GRAMD4: variants seen among roughly 807,000 people sequenced by gnomAD.
The protein encoded by GRAMD4 is GRAM domain-containing protein 4.
GRAMD4 carries 25 observed loss-of-function variants against 83.9 expected under a neutral mutation model. The observed-to-expected ratio is 0.30, with a 90% CI of 0.22 to 0.42. The LOEUF (loss-of-function observed/expected upper bound fraction) is 0.42. Among genes scored for constraint, GRAMD4 ranks in the 10% least tolerant of loss-of-function variants. The pLI is 1.00. For synonymous variants in GRAMD4, 336 were observed against 320.9 expected (o/e 1.05, Z -0.50); for missense variants, 593 against 788.7 (o/e 0.75, Z 2.97).
rs779320377 is a variant in GRAMD4, at chr22:46,658,183, A to G, written c.284-4A>G. Reference sequence around the variant, plus strand: ...TGGTCACCTGGCCGTTCTCTCCCCCATAGAGGAGGAGCTCCGGAAGCTGCG... The same window carrying G: ...TGGTCACCTGGCCGTTCTCTCCCCCGTAGAGGAGGAGCTCCGGAAGCTGCG... On this transcript the variant is annotated splice_region_variant and splice_polypyrimidine_tract_variant and intron_variant, in intron 3 of 18. Coordinates refer to ENST00000406902, the MANE Select transcript of GRAMD4 (RefSeq NM_015124.5). The G allele has an allele frequency of 2.5e-6, 4 of 1,611,414 alleles. No individual in the cohort carries two copies. The highest frequency in any genetic ancestry group is 2.2e-5 in the South Asian group (2 of 91,008).
At chr22:46,647,839 A>C (rs577236416) in intron 3 of GRAMD4, among the ~76,000 whole-genome samples, 3 of 152,222 alleles carry the variant, frequency 2.0e-5, no homozygotes, top group Non-Finnish European at 2.9e-5. Context: ...ATGAGGCTAC[A>C]TGGCAGAGAT....
intron 1 of GRAMD4, 110 bp from the exon 2 acceptor site, chr22:46,626,641 G>T: frequency 1.6e-6 from 1 of 642,934 alleles, no homozygotes; most frequent in Non-Finnish European, 2.6e-6. Flanking sequence ...CGGGGTCTCT[G>T]GGTCGGGGTT....
At chr22:46,650,082 G>A (rs1443614682) in intron 3 of GRAMD4, among the ~76,000 whole-genome samples, 3 of 152,234 alleles carry the variant, frequency 2.0e-5, no homozygotes, top group African/African-American at 4.8e-5. Context: ...GCGGGACTCC[G>A]CCAGGCCAGG....
intron 3 of GRAMD4, among the ~76,000 whole-genome samples, chr22:46,648,725 T>G (rs1278569891): frequency 4.2e-5 from 6 of 144,314 alleles, no homozygotes; most frequent in African/African-American, 1.3e-4. Flanking sequence ...GATGGATGGA[T>G]GCATGGATGG....
chr22:46,590,466 C>G (rs994514446), intron 1 of GRAMD4, among the ~76,000 whole-genome samples: 1 of 152,176 alleles, frequency 6.6e-6, no homozygotes, highest in Non-Finnish European at 1.5e-5. Context: ...GAGCGCGTCC[C>G]AAGGAGGAGG....
intron 10 of GRAMD4, among the ~76,000 whole-genome samples, chr22:46,667,751 A>G (rs1195501298): frequency 6.6e-6 from 1 of 152,226 alleles, no homozygotes; most frequent in Non-Finnish European, 1.5e-5. Flanking sequence ...ATGGGAGACA[A>G]GCAGGACCAG....
At chr22:46,614,144 C>G (rs910121957) in intron 1 of GRAMD4, among the ~76,000 whole-genome samples, 1 of 152,230 alleles carries the variant, frequency 6.6e-6, no homozygotes, top group Admixed American at 6.5e-5. Flanking sequence ...TACTCGAACC[C>G]CATCATTTCT....
At chr22:46,576,979 C>G (rs1402524210), upstream of GRAMD4, 9 of 145,390 alleles carry the variant, frequency 6.2e-5, no homozygotes, top group Admixed American at 1.4e-4. Flanking sequence ...CGCGGACCCC[C>G]GAGCCGGCCG....
At chr22:46,667,635 C>T (rs1601672713) in intron 10 of GRAMD4, among the ~76,000 whole-genome samples, 1 of 152,226 alleles carries the variant, frequency 6.6e-6, no homozygotes, top group African/African-American at 2.4e-5. Context: ...TATCTCAGTG[C>T]CTGTTTCTTG....
At chr22:46,585,315 C>T (rs1447326024) in intron 1 of GRAMD4, among the ~76,000 whole-genome samples, 1 of 151,946 alleles carries the variant, frequency 6.6e-6, no homozygotes, top group Non-Finnish European at 1.5e-5. Context: ...CTCAGCCTCC[C>T]GAGTAGCTGG....
chr22:46,629,930 C>T lies in GRAMD4; in HGVS notation c.162+2969C>T, dbSNP rs534463243. ...GTCTGTCCTTTGCTCGCATAAGGGA[C>T]GCGAGGTTCATCCATGCTGCGGTGT... is the stretch of plus-strand genomic sequence containing the variant. On this transcript the variant is annotated intron_variant, in intron 2 of 18. Transcript: ENST00000406902. Among the ~76,000 whole-genome samples the T allele has an allele frequency of 5.3e-5, 8 of 152,278 alleles. No individual in the cohort carries two copies. The South Asian group carries it at 1.0e-3, about 20-fold the overall frequency.
upstream of GRAMD4, among the ~76,000 whole-genome samples, chr22:46,615,745 T>C (rs1487301979): frequency 1.3e-4 from 3 of 23,034 alleles, no homozygotes; most frequent in Non-Finnish European, 2.5e-4. Flanking sequence ...TAGGTTCCCC[T>C]GTGCGTGTAG....
chr22:46,645,933 G>C (rs1387651139), intron 3 of GRAMD4, among the ~76,000 whole-genome samples: 1 of 152,224 alleles, frequency 6.6e-6, no homozygotes, highest in Non-Finnish European at 1.5e-5. Context: ...ATTCCCCAGG[G>C]TTGTAAGGTG....
intron 2 of GRAMD4, among the ~76,000 whole-genome samples, chr22:46,628,630 C>T (rs145862637): frequency 0.021 from 3,071 of 148,260 alleles, 47 homozygotes; most frequent in Middle Eastern, 0.034. Flanking sequence ...TGAGTGTGTG[C>T]GTTGGTGTCT....
intron 2 of GRAMD4, among the ~76,000 whole-genome samples, chr22:46,629,273 G>A (rs1317057017): frequency 6.6e-6 from 1 of 152,114 alleles, no homozygotes; most frequent in East Asian, 1.9e-4. Context: ...AGCTTTTAAG[G>A]GGGACGGCAG....
intron 1 of GRAMD4, among the ~76,000 whole-genome samples, chr22:46,624,468 A>G (rs1251950418): frequency 6.6e-6 from 1 of 151,220 alleles, no homozygotes; most frequent in Non-Finnish European, 1.5e-5. Flanking sequence ...AGCTGGGACT[A>G]CAGGTGCCCG....
rs753498186 is a variant in GRAMD4 at position 46,678,919 on chromosome 22, C to T, written c.*1668C>T. On this transcript the variant is annotated 3_prime_UTR_variant, in exon 19 of 19. Transcript: ENST00000406902. ...CCCCCGTGGCTCTGGACTGCGCGGACGTTGGCGTCAGGATGACCACACGGC... is the reference window on the plus strand; with the variant it reads ...CCCCCGTGGCTCTGGACTGCGCGGATGTTGGCGTCAGGATGACCACACGGC... 3.4e-5 allele frequency: 34 copies of T among 985,762 alleles called. No individual in the cohort carries two copies. The highest frequency in any genetic ancestry group is 1.6e-4 in the African/African-American group (9 of 57,242). 61.1% of individuals were successfully genotyped at this position (985,762 alleles called of 1,614,324 possible). A position where few individuals can be genotyped will look rare whatever the true frequency, so the allele number is the denominator to read the frequency against.
chr22:46,635,543 GGA>G (rs1569277414), intron 2 of GRAMD4, among the ~76,000 whole-genome samples: 31 of 79,104 alleles, frequency 3.9e-4, no homozygotes, highest in Admixed American at 5.2e-4. Context: ...TCCTGTCCTG[GGA>G]GGCCGTGTCC....
chr22:46,655,804 G>A (rs1015811695), intron 3 of GRAMD4, among the ~76,000 whole-genome samples: 14 of 152,212 alleles, frequency 9.2e-5, no homozygotes, highest in Middle Eastern at 3.2e-3. Flanking sequence ...TTCTGACCCC[G>A]CCTTTGCTCA....
Sources: gnomAD v4.1 joint callset for allele counts (sites outside exome capture counted in the v4.1 genomes callset) on GRCh38, gnomAD v4.1.1 for gene constraint, MANE v1.5 for transcripts, NCBI Gene and HGNC (gene_info 2026-07-23, HGNC 2026-07-21) for gene names.